The following WDPCP variants were observed in gnomAD, a reference collection of about 807,000 sequenced individuals.
The protein encoded by WDPCP is WD repeat-containing and planar cell polarity effector protein fritz homolog.
WDPCP carries 71 observed loss-of-function variants against 93.1 expected under a neutral mutation model. That is an observed-to-expected ratio of 0.76 (90% CI 0.63 to 0.93). WDPCP has a LOEUF of 0.93. Ranked by LOEUF, WDPCP falls within the 40% of genes least tolerant of loss-of-function variation. The pLI is 0.00. For missense variants in WDPCP, 844 were observed against 887.4 expected, an observed-to-expected ratio of 0.95 and a Z score of 0.62; for synonymous variants, 315 against 315.0, an observed-to-expected ratio of 1.00 and a Z score of 0.00.
At chr2:63,254,176 G>C (rs1262310724) in intron 14 of WDPCP, among the ~76,000 whole-genome samples, 1 of 152,080 alleles carries the variant, frequency 6.6e-6, no homozygotes, top group African/African-American at 2.4e-5. Flanking sequence ...TGGGAGTAAA[G>C]CATTAGGTAC....
At chr2:63,539,091 CT>C (rs1292706144) in intron 1 of WDPCP, among the ~76,000 whole-genome samples, 1 of 152,012 alleles carries the variant, frequency 6.6e-6, no homozygotes, top group African/African-American at 2.4e-5. Context: ...ATGTTTGTTG[CT>C]AAAATATTTA....
chr2:63,229,141 G>A (rs931690357), intron 14 of WDPCP: 1 of 152,128 alleles, frequency 6.6e-6, no homozygotes, highest in Non-Finnish European at 1.5e-5. Flanking sequence ...GGTGTGAGAC[G>A]GTATCTCATT....
intron 1 of WDPCP, among the ~76,000 whole-genome samples, chr2:63,534,944 T>C (rs770817638): frequency 2.0e-5 from 3 of 152,168 alleles, no homozygotes; most frequent in African/African-American, 7.2e-5. Flanking sequence ...GATGACACGA[T>C]TGTATATTTA....
At chr2:63,839,901 G>T in the WDPCP span, among the ~76,000 whole-genome samples, 2 of 152,148 alleles carry the variant, frequency 1.3e-5, no homozygotes, top group African/African-American at 4.8e-5. Context: ...AGTACCAATG[G>T]TTGTCATTCT....
intron 13 of WDPCP, among the ~76,000 whole-genome samples, chr2:63,294,803 C>T (rs10210407): frequency 6.6e-6 from 1 of 151,880 alleles, no homozygotes; most frequent in African/African-American, 2.4e-5. Context: ...AACAATGGTT[C>T]AAAATTCCAC....
At chr2:63,778,010 T>C (rs1299823198) in intron 2 of WDPCP, among the ~76,000 whole-genome samples, 1 of 152,186 alleles carries the variant, frequency 6.6e-6, no homozygotes, top group Non-Finnish European at 1.5e-5. Context: ...GACTTTGGGA[T>C]AAAAACTGAA....
At chr2:63,645,843 T>A (rs1575737763) in intron 3 of WDPCP, among the ~76,000 whole-genome samples, 1 of 152,208 alleles carries the variant, frequency 6.6e-6, no homozygotes, top group East Asian at 1.9e-4. Context: ...TTGGTTTCCG[T>A]TAGCATGGAC....
At chr2:63,517,079 T>A (rs1420605523) in intron 1 of WDPCP, among the ~76,000 whole-genome samples, 1 of 152,134 alleles carries the variant, frequency 6.6e-6, no homozygotes, top group African/African-American at 2.4e-5. Flanking sequence ...CTAAACTACA[T>A]CCTAATCTTT....
At chr2:63,284,560 A>G (rs78840930) in intron 13 of WDPCP, among the ~76,000 whole-genome samples, 504 of 152,268 alleles carry the variant, frequency 3.3e-3, no homozygotes, top group African/African-American at 0.012. Flanking sequence ...TGGGGCCATA[A>G]TTTGGCAAAC....
intron 3 of WDPCP, chr2:63,606,778 T>G: frequency 2.0e-6 from 2 of 1,012,908 alleles, no homozygotes; most frequent in South Asian, 4.2e-5. Context: ...ACGATATACC[T>G]CTAAATATAA....
Position 63,816,292 on chromosome 2 carries a change from T to C in WDPCP, n.223-2585A>G, listed in dbSNP as rs10208023. On this transcript the variant is annotated intron_variant and non_coding_transcript_variant, in intron 1 of 4. Coordinates refer to the WDPCP transcript ENST00000467687. Reference sequence around the variant, plus strand: ...AACAACAAAAAAGAAATACTTCAGATGTATATTATTAGGTGACTTGACAAA... The same window carrying C: ...AACAACAAAAAAGAAATACTTCAGACGTATATTATTAGGTGACTTGACAAA... 1.1e-3 allele frequency among the ~76,000 whole-genome samples: 167 copies of C among 152,240 alleles called. 1 individual carries two copies. The highest frequency in any genetic ancestry group is 0.01 in the Middle Eastern group (3 of 294).
At chr2:63,426,153 A>G (rs1163922336) in intron 9 of WDPCP, among the ~76,000 whole-genome samples, 1 of 152,198 alleles carries the variant, frequency 6.6e-6, no homozygotes, top group Non-Finnish European at 1.5e-5. Context: ...AGCCTGGCCA[A>G]TATGGTGAAA....
intron 14 of WDPCP, among the ~76,000 whole-genome samples, chr2:63,205,639 G>A (rs1676283393): frequency 6.6e-6 from 1 of 151,992 alleles, no homozygotes; most frequent in African/African-American, 2.4e-5. Flanking sequence ...TTCATTGTTG[G>A]GATATAGAAA....
intron 13 of WDPCP, among the ~76,000 whole-genome samples, chr2:63,292,545 C>T (rs1036906538): frequency 1.3e-5 from 2 of 152,074 alleles, no homozygotes; most frequent in Non-Finnish European, 2.9e-5. Flanking sequence ...TCCATTTAGC[C>T]CTTAATCTCA....
intron 17 of WDPCP, among the ~76,000 whole-genome samples, chr2:63,148,707 T>A (rs1328761997): frequency 6.6e-6 from 1 of 152,070 alleles, no homozygotes; most frequent in East Asian, 1.9e-4. Flanking sequence ...AAGCCAAGAT[T>A]AACCCAGAGA....
chr2:63,236,189 G>A (rs553184269), intron 14 of WDPCP, among the ~76,000 whole-genome samples: 49 of 152,166 alleles, frequency 3.2e-4, no homozygotes, highest in South Asian at 2.3e-3. Flanking sequence ...TCCCAATAAC[G>A]TTCAAGCTGA....
chr2:63,677,522 A>G (rs1710438246), intron 2 of WDPCP, among the ~76,000 whole-genome samples: 1 of 99,192 alleles, frequency 1.0e-5, no homozygotes, highest in Admixed American at 1.2e-4. Context: ...ACGTGACGAT[A>G]AAAGTACTAA....
At chr2:63,645,546 G>A (rs562772890) in intron 3 of WDPCP, among the ~76,000 whole-genome samples, 1 of 152,154 alleles carries the variant, frequency 6.6e-6, no homozygotes, top group South Asian at 2.1e-4. Flanking sequence ...GATTAAGTCT[G>A]GTGTAATTTA....
intron 1 of WDPCP, among the ~76,000 whole-genome samples, chr2:63,545,098 A>G (rs901898104): frequency 6.6e-6 from 1 of 152,164 alleles, no homozygotes; most frequent in Admixed American, 6.6e-5. Context: ...ATGATCCATT[A>G]TCTACACTTG....
Sources: allele counts gnomAD v4.1 joint callset (sites outside exome capture counted in the v4.1 genomes callset), GRCh38; gene constraint gnomAD v4.1.1; transcripts MANE v1.5; gene names NCBI Gene and HGNC (gene_info 2026-07-23, HGNC 2026-07-21).